Variants in THSD4 observed in about 807,000 individuals in gnomAD.
THSD4 encodes thrombospondin type 1 domain containing 4, also known as thrombospondin type-1 domain-containing protein 4.
A neutral mutation model predicts 119.0 loss-of-function variants in THSD4; 69 were observed. The observed-to-expected ratio is 0.58, with a 90% CI of 0.48 to 0.71. THSD4 has a LOEUF of 0.71. Among genes scored for constraint, THSD4 ranks in the 30% least tolerant of loss-of-function variants. The pLI is 0.00. For synonymous variants in THSD4, 524 were observed against 540.4 expected, an observed-to-expected ratio of 0.97 and a Z score of 0.42; for missense variants, 1,393 against 1,391.1, an observed-to-expected ratio of 1.00 and a Z score of -0.02.
intron 6 of THSD4, among the ~76,000 whole-genome samples, chr15:71,301,965 A>G (rs2044956318): frequency 6.6e-6 from 1 of 152,136 alleles, no homozygotes; most frequent in African/African-American, 2.4e-5. Flanking sequence ...CCTGATGCCC[A>G]CACTGGTCCA....
chr15:71,543,722 T>C (rs1402870864), intron 7 of THSD4, among the ~76,000 whole-genome samples: 2 of 152,274 alleles, frequency 1.3e-5, no homozygotes, highest in East Asian at 3.9e-4. Flanking sequence ...TGGCTACAGA[T>C]GGTTGTAGAG....
At chr15:71,191,016 T>C (rs1165669787) in intron 3 of THSD4, among the ~76,000 whole-genome samples, 1 of 152,190 alleles carries the variant, frequency 6.6e-6, no homozygotes, top group Non-Finnish European at 1.5e-5. Context: ...GCAATTCTTC[T>C]CTTTGTTCTC....
chr15:71,272,462 A>T (rs544468636), intron 6 of THSD4, among the ~76,000 whole-genome samples: 1 of 151,744 alleles, frequency 6.6e-6, no homozygotes, highest in South Asian at 2.1e-4. Flanking sequence ...ACCTGAATAG[A>T]CATTTCTCAA....
chr15:71,272,847 G>A (rs1306206950), intron 6 of THSD4, among the ~76,000 whole-genome samples: 1 of 151,822 alleles, frequency 6.6e-6, no homozygotes, highest in Admixed American at 6.6e-5. Flanking sequence ...CTGGGTGATA[G>A]AATGAGACTC....
chr15:71,758,829 C>T (rs2053585441), intron 15 of THSD4, among the ~76,000 whole-genome samples: 1 of 152,078 alleles, frequency 6.6e-6, no homozygotes, highest in Admixed American at 6.5e-5. Context: ...TAAAAACTGA[C>T]CTTGGAAAAA....
At chr15:71,745,925 G>A (rs1377759358) in intron 12 of THSD4, among the ~76,000 whole-genome samples, 2 of 152,264 alleles carry the variant, frequency 1.3e-5, no homozygotes, top group Admixed American at 6.5e-5. Context: ...GATTACGGGC[G>A]TGAGCCACTG....
chr15:71,545,522 A>G (rs1186323073), intron 7 of THSD4, among the ~76,000 whole-genome samples: 1 of 152,150 alleles, frequency 6.6e-6, no homozygotes, highest in Non-Finnish European at 1.5e-5. Context: ...GTAAAACCTA[A>G]AATATTTACC....
At chr15:71,719,833 A>G (rs928709661) in intron 8 of THSD4, among the ~76,000 whole-genome samples, 3 of 151,384 alleles carry the variant, frequency 2.0e-5, no homozygotes, top group African/African-American at 4.9e-5. Flanking sequence ...GTACCACCAC[A>G]CTTGGCTATT....
At chr15:71,562,598 C>T (rs1235759859) in intron 7 of THSD4, among the ~76,000 whole-genome samples, 1 of 151,920 alleles carries the variant, frequency 6.6e-6, no homozygotes, top group Non-Finnish European at 1.5e-5. Flanking sequence ...TGAGAACTGC[C>T]AGGGCCTAAA....
chr15:71,447,109 ATTTTTTTTGT>A (rs2047193902), intron 7 of THSD4, among the ~76,000 whole-genome samples: 2 of 69,448 alleles, frequency 2.9e-5, no homozygotes, highest in African/African-American at 5.5e-5. Context: ...TCTTCCCTCC[ATTTTTTTTGT>A]TTTTTTTTTT....
intron 4 of THSD4, among the ~76,000 whole-genome samples, chr15:71,239,749 G>T (rs1399942655): frequency 6.6e-6 from 1 of 152,182 alleles, no homozygotes; most frequent in Admixed American, 6.5e-5. Context: ...ACTTATCATA[G>T]CTCTGCATAA....
intron 11 of THSD4, among the ~76,000 whole-genome samples, chr15:71,739,913 A>G (rs1380500518): frequency 6.6e-6 from 1 of 151,114 alleles, no homozygotes; most frequent in Non-Finnish European, 1.5e-5. Context: ...TCACAAAATT[A>G]GCACACTGAA....
At chr15:71,382,649 C>A (rs1195571345) in intron 6 of THSD4, among the ~76,000 whole-genome samples, 3 of 151,856 alleles carry the variant, frequency 2.0e-5, no homozygotes, top group Admixed American at 2.0e-4. Flanking sequence ...TTACTGTTTC[C>A]CTTATTATAT....
At chr15:71,480,248 C>T (rs547437616) in intron 7 of THSD4, among the ~76,000 whole-genome samples, 12 of 152,222 alleles carry the variant, frequency 7.9e-5, no homozygotes, top group South Asian at 2.1e-4. Flanking sequence ...ATGTTGCCCA[C>T]GTTGGTCTCG....
At chr15:71,326,726 T>TATATATATATATATATATATATATA (rs1491127315) in intron 6 of THSD4, among the ~76,000 whole-genome samples, 31 of 88,012 alleles carry the variant, frequency 3.5e-4, no homozygotes, top group Non-Finnish European at 6.2e-4. Flanking sequence ...TATATATATA[T>TATATATATATATATATATATATATA]TAGCTGGGTG....
intron 6 of THSD4, among the ~76,000 whole-genome samples, chr15:71,357,896 G>A (rs1004636501): frequency 6.6e-6 from 1 of 152,162 alleles, no homozygotes; most frequent in Non-Finnish European, 1.5e-5. Context: ...TTCAAAGAGG[G>A]GGAAAAAGCA....
At chr15:71,743,010 G>C (rs559801046) in intron 11 of THSD4, among the ~76,000 whole-genome samples, 2 of 152,070 alleles carry the variant, frequency 1.3e-5, no homozygotes, top group Non-Finnish European at 2.9e-5. Flanking sequence ...AGCAGAGATC[G>C]TGCCACTTCA....
rs1017596457 is a variant in THSD4 at position 71,374,434 on chromosome 15, C to G, written c.1016-37253C>G. 3.3e-5 allele frequency among the ~76,000 whole-genome samples: 5 copies of G among 152,226 alleles called. 1 individual carries two copies. In the South Asian group the frequency reaches 1.0e-3, roughly 32 times the overall value. Reference sequence around the variant, plus strand: ...TATCCCATCTAAAGTGGCACATGAGCTAACCACATGCTATATATGAATAAT... The same window carrying G: ...TATCCCATCTAAAGTGGCACATGAGGTAACCACATGCTATATATGAATAAT... On this transcript the variant is annotated intron_variant, in intron 6 of 17. Transcript: ENST00000261862.
At chr15:71,738,397 C>T (rs748202745) in intron 11 of THSD4, among the ~76,000 whole-genome samples, 1 of 152,160 alleles carries the variant, frequency 6.6e-6, no homozygotes, top group African/African-American at 2.4e-5. Flanking sequence ...AAATGGCAAA[C>T]CCTCACCTCT....
Sources: gnomAD v4.1 joint callset for allele counts (sites outside exome capture counted in the v4.1 genomes callset) on GRCh38, gnomAD v4.1.1 for gene constraint, MANE v1.5 for transcripts, NCBI Gene and HGNC (gene_info 2026-07-23, HGNC 2026-07-21) for gene names.